Variants in SHANK2 observed in about 807,000 individuals in gnomAD.
The protein encoded by SHANK2 is SH3 and multiple ankyrin repeat domains 2, also known as SH3 and multiple ankyrin repeat domains protein 2.
Under a neutral mutation model 133.7 loss-of-function variants are expected in SHANK2, and 43 were observed. The observed-to-expected ratio is 0.32, with a 90% CI of 0.25 to 0.41. SHANK2 has a LOEUF of 0.41. Ranked by LOEUF, SHANK2 falls within the 10% of genes least tolerant of loss-of-function variation. The pLI is 1.00. For missense variants in SHANK2, 1,994 were observed against 2,235.8 expected (o/e 0.89, Z 2.18); for synonymous variants, 1,017 against 952.8 (o/e 1.07, Z -1.24).
At chr11:71,150,006 G>A (rs1337526022) in intron 2 of SHANK2, among the ~76,000 whole-genome samples, 1 of 19,520 alleles carries the variant, frequency 5.1e-5, no homozygotes, top group East Asian at 1.4e-3. Context: ...GAGAGGAAGG[G>A]AGAGGAAGGG....
intron 10 of SHANK2, among the ~76,000 whole-genome samples, chr11:70,940,903 ATAAAATATCTGCTG>A: frequency 6.6e-6 from 1 of 152,334 alleles, no homozygotes; most frequent in South Asian, 2.1e-4. Context: ...TCCTTTAGTC[ATAAAATATCTGCTG>A]AGCTCCCAAG....
chr11:70,684,300 G>A (rs1945097014), intron 15 of SHANK2, among the ~76,000 whole-genome samples: 1 of 152,154 alleles, frequency 6.6e-6, no homozygotes, highest in Admixed American at 6.5e-5. Flanking sequence ...CACGGCGCAT[G>A]CATCCCAGCA....
intron 10 of SHANK2, among the ~76,000 whole-genome samples, chr11:70,941,180 C>T (rs370934962): frequency 1.2e-4 from 18 of 152,240 alleles, no homozygotes; most frequent in African/African-American, 4.3e-4. Flanking sequence ...AAGTATCTGG[C>T]CCCTATGTGT....
intron 14 of SHANK2, among the ~76,000 whole-genome samples, chr11:70,753,909 T>C (rs1236127605): frequency 2.0e-5 from 3 of 149,984 alleles, no homozygotes; most frequent in Non-Finnish European, 3.0e-5. Flanking sequence ...CCTCCTGGGT[T>C]CAAGTGAGTC....
intron 25 of SHANK2, chr11:70,477,476 A>T (rs782452854): frequency 6.6e-6 from 1 of 152,194 alleles, no homozygotes; most frequent in Non-Finnish European, 1.5e-5. Context: ...AAGAAGAAAA[A>T]TAACCAGGAA....
chr11:70,685,472 CCCTGAAGAGCTAAG>C (rs1486323778), intron 15 of SHANK2, among the ~76,000 whole-genome samples: 16 of 152,210 alleles, frequency 1.1e-4, no homozygotes, highest in African/African-American at 3.6e-4. Context: ...TCAGCACATG[CCCTGAAGAGCTAAG>C]CCCTGCTTGT....
Position 71,173,446 on chromosome 11 carries a change from C to A in SHANK2, c.-12-26108G>T, listed in dbSNP as rs868949712. Reference sequence around the variant, plus strand: ...GTGGTCCAGGTGTGAGTTCACCCTGCTGGAAATATCCTGACTGTCCAGCAC... The same window carrying A: ...GTGGTCCAGGTGTGAGTTCACCCTGATGGAAATATCCTGACTGTCCAGCAC... On this transcript the variant is annotated intron_variant, in intron 2 of 25. Coordinates refer to ENST00000601538, the MANE Select transcript of SHANK2 (RefSeq NM_012309.5). Among the ~76,000 whole-genome samples the A allele has an allele frequency of 2.0e-5, 3 of 152,348 alleles. No individual in the cohort carries two copies. The South Asian group carries it at 6.2e-4, about 32-fold the overall frequency.
Position 70,485,808 on chromosome 11 carries a change from G to A in SHANK2, c.4485C>T (p.Asp1495=). 6.2e-7 allele frequency: 1 copy of A among 1,613,976 alleles called. No homozygotes were observed. The change falls in exon 25 of 26, where the codon GAC becomes GAT. Residue 1495 remains aspartate (D), a synonymous_variant. Coordinates refer to ENST00000601538, the MANE Select transcript of SHANK2 (RefSeq NM_012309.5). This position sits in a 1 kb window ranked among gnomAD's most constrained non-coding sequence, Gnocchi z 5.8. ...GGTGGTGGTCGCTGCTACTCCGGCT[G>A]TCCACCTCCTCGATCCCAGAGTCGG... ...AVADSGIEEV[D]SRSSSDHHLE...
intron 17 of SHANK2, among the ~76,000 whole-genome samples, chr11:70,505,377 CAAGCT>C (rs1470328285): frequency 6.6e-6 from 1 of 152,070 alleles, no homozygotes; most frequent in Non-Finnish European, 1.5e-5. Flanking sequence ...ACTGGGGTCT[CAAGCT>C]GAGATGGAGG....
At chr11:70,654,924 C>T (rs550705466) in intron 17 of SHANK2, among the ~76,000 whole-genome samples, 34 of 152,184 alleles carry the variant, frequency 2.2e-4, no homozygotes, top group African/African-American at 7.2e-4. Context: ...CGCACCACCA[C>T]GCCCAGCTAA....
chr11:71,127,895 C>G (rs1390679275), intron 3 of SHANK2, among the ~76,000 whole-genome samples: 1 of 152,226 alleles, frequency 6.6e-6, no homozygotes, highest in Non-Finnish European at 1.5e-5. Context: ...GACATATTCC[C>G]TTTGTTCAGA....
intron 17 of SHANK2, among the ~76,000 whole-genome samples, chr11:70,526,179 G>A (rs1404208635): frequency 1.3e-5 from 2 of 152,164 alleles, no homozygotes; most frequent in Admixed American, 1.3e-4. Flanking sequence ...GATTCTGGCC[G>A]CCACAAGGCT....
In SHANK2 at chr11:70,599,848, C is replaced by T. The variant is rs1028218841; in HGVS notation, c.2061+59980G>A. 5.4e-4 allele frequency among the ~76,000 whole-genome samples: 30 copies of T among 55,256 alleles called. 1 individual carries two copies. The highest frequency in any genetic ancestry group is 4.4e-3 in the Admixed American group (21 of 4,782). The allele number at this position is 55,256 out of a possible 152,430, so 36.3% of individuals were successfully genotyped here. A position where few individuals can be genotyped will look rare whatever the true frequency, so the allele number is the denominator to read the frequency against. ...AGGAAGGAAGGAAGGAAGGAGAGAA[C>T]GAAAGAAAGAAATAAAAAGAAAGAA... On this transcript the variant is annotated intron_variant, in intron 17 of 25. Transcript: ENST00000601538.
chr11:70,735,050 C>A (rs1371236129), intron 14 of SHANK2, among the ~76,000 whole-genome samples: 1 of 152,148 alleles, frequency 6.6e-6, no homozygotes, highest in Non-Finnish European at 1.5e-5. Flanking sequence ...GGCTCAGGGG[C>A]GAAGGGGACC....
chr11:70,600,585 G>A (rs1194329067), intron 17 of SHANK2, among the ~76,000 whole-genome samples: 3 of 152,138 alleles, frequency 2.0e-5, no homozygotes, highest in Non-Finnish European at 4.4e-5. Flanking sequence ...GGTAATGAAG[G>A]TGGTGCTCAG....
At chr11:70,728,352 A>G (rs1409760298) in intron 14 of SHANK2, among the ~76,000 whole-genome samples, 5 of 152,224 alleles carry the variant, frequency 3.3e-5, no homozygotes, top group African/African-American at 7.2e-5. Context: ...GCCGGATCCG[A>G]GGCACCGTGA....
At chr11:70,790,024 C>T (rs1324134078) in intron 14 of SHANK2, among the ~76,000 whole-genome samples, 2 of 152,262 alleles carry the variant, frequency 1.3e-5, no homozygotes, top group Admixed American at 1.3e-4. Context: ...CTGAAAACTG[C>T]ACACACGTGC....
intron 14 of SHANK2, among the ~76,000 whole-genome samples, chr11:70,710,394 G>T (rs1945757737): frequency 6.6e-6 from 1 of 152,220 alleles, no homozygotes; most frequent in Non-Finnish European, 1.5e-5. Flanking sequence ...GAATGGGGTA[G>T]GAGGGAAGCT....
chr11:70,894,750 C>G (rs973859617), intron 11 of SHANK2, among the ~76,000 whole-genome samples: 10 of 152,174 alleles, frequency 6.6e-5, no homozygotes, highest in Admixed American at 2.6e-4. Context: ...CTGGCGGGGG[C>G]TCTGCCTCCA....
Sources: allele counts gnomAD v4.1 joint callset (sites outside exome capture counted in the v4.1 genomes callset), GRCh38; gene constraint gnomAD v4.1.1; non-coding constraint Gnocchi (gnomAD v3.1); transcripts MANE v1.5; gene names NCBI Gene and HGNC (gene_info 2026-07-23, HGNC 2026-07-21).